SPAG16: variants seen among roughly 807,000 people sequenced by gnomAD.
SPAG16 encodes sperm associated antigen 16, also known as sperm-associated antigen 16 protein.
SPAG16 carries 86 observed loss-of-function variants against 80.4 expected under a neutral mutation model. That is an observed-to-expected ratio of 1.07 (90% CI 0.90 to 1.28). SPAG16 has a LOEUF of 1.28. SPAG16 is among the 50% of genes most tolerant of loss of function. SPAG16 has a pLI of 0.00. For synonymous variants in SPAG16, 294 were observed against 265.9 expected (o/e 1.11, Z -1.03); for missense variants, 870 against 765.3 (o/e 1.14, Z -1.61).
At chr2:213,735,289 T>C (rs1179026998) in intron 10 of SPAG16, among the ~76,000 whole-genome samples, 7 of 152,186 alleles carry the variant, frequency 4.6e-5, no homozygotes, top group Non-Finnish European at 1.0e-4. Flanking sequence ...GAATTATTTA[T>C]TAAACTCAAA....
chr2:213,758,047 T>C (rs532923398), intron 10 of SPAG16: 1 of 151,774 alleles, frequency 6.6e-6, no homozygotes, highest in East Asian at 2.0e-4. Flanking sequence ...ATGGTGACAA[T>C]CAGAAAATGA....
At chr2:214,350,511 C>T (rs910158211) in intron 15 of SPAG16, among the ~76,000 whole-genome samples, 1 of 152,142 alleles carries the variant, frequency 6.6e-6, no homozygotes, top group Non-Finnish European at 1.5e-5. Flanking sequence ...ATGTAAGAGA[C>T]ACAGGATTAT....
At chr2:213,609,560 T>C (rs1230904925) in intron 10 of SPAG16, among the ~76,000 whole-genome samples, 1 of 152,218 alleles carries the variant, frequency 6.6e-6, no homozygotes, top group African/African-American at 2.4e-5. Context: ...CAGCAATCTA[T>C]TGAGTTCCAT....
intron 13 of SPAG16, among the ~76,000 whole-genome samples, chr2:214,055,108 A>T (rs1032470338): frequency 6.6e-6 from 1 of 152,206 alleles, no homozygotes; most frequent in African/African-American, 2.4e-5. Flanking sequence ...GCATAAAATA[A>T]GATATGTAAA....
intron 7 of SPAG16, 32 bp from the exon 8 acceptor site, chr2:213,364,044 A>G: frequency 2.6e-6 from 3 of 1,161,846 alleles, no homozygotes. Context: ...CATTTAGTGT[A>G]TAATTTCATT....
At chr2:213,704,960 A>G (rs1464398412) in intron 10 of SPAG16, among the ~76,000 whole-genome samples, 3 of 152,194 alleles carry the variant, frequency 2.0e-5, no homozygotes, top group African/African-American at 7.2e-5. Flanking sequence ...TTAGAAAAAA[A>G]AAATTAAATA....
rs569383571 is a variant in SPAG16, at chr2:214,311,173, C to T, written c.1721-98967C>T. Among the ~76,000 whole-genome samples the T allele has an allele frequency of 6.6e-5, 10 of 152,228 alleles. No homozygotes were observed. In the South Asian group the frequency reaches 2.1e-3, roughly 32 times the overall value. On this transcript the variant is annotated intron_variant, in intron 15 of 15. Transcript: ENST00000331683. ...CCTGCATTTCCTCTGTTCCGAGGAG[C>T]GCTTTGGCAGTCTGCATTCCCCCTC...
At chr2:213,638,136 CCTTT>C (rs1241766165) in intron 10 of SPAG16, among the ~76,000 whole-genome samples, 1 of 152,114 alleles carries the variant, frequency 6.6e-6, no homozygotes, top group Non-Finnish European at 1.5e-5. Context: ...CGTCTATCTT[CCTTT>C]CTTTATTAAT....
intron 10 of SPAG16, among the ~76,000 whole-genome samples, chr2:213,561,539 G>A (rs1314689776): frequency 2.0e-5 from 3 of 151,950 alleles, no homozygotes; most frequent in Non-Finnish European, 4.4e-5. Flanking sequence ...CCCCATAAAT[G>A]TATACACCTA....
In SPAG16 at chr2:214,097,272, C is replaced by A. The variant is rs1005665526; in HGVS notation, c.1528-10924C>A. Among the ~76,000 whole-genome samples, 13 of 152,130 alleles carry A rather than the reference C, an allele frequency of 8.5e-5. No homozygotes were observed. The South Asian group carries it at 1.2e-3, about 15-fold the overall frequency. ...CTTTAATAGTACTTTTGACTGGTCA[C>A]AGAATTTGAAATTAAATAGGGGGCA... On this transcript the variant is annotated intron_variant, in intron 13 of 15. Coordinates refer to ENST00000331683, the MANE Select transcript of SPAG16 (RefSeq NM_024532.5).
At position 213,693,451 on chromosome 2, in the gene SPAG16, C is replaced by T. The variant is rs1336000968; in HGVS notation, c.1071-169034C>T. ...TTGCTTCGTAGACAGAACTACTTCA[C>T]ATTTATTTACCTTCCATTATACAAT... On this transcript the variant is annotated intron_variant, in intron 10 of 15. Transcript: ENST00000331683. Among the ~76,000 whole-genome samples the T allele has an allele frequency of 4.6e-5, 7 of 152,332 alleles. No individual in the cohort carries two copies. The East Asian group carries it at 1.2e-3, about 25-fold the overall frequency.
intron 3 of SPAG16, among the ~76,000 whole-genome samples, chr2:213,308,757 T>A (rs2063056771): frequency 6.6e-6 from 1 of 152,148 alleles, no homozygotes; most frequent in Non-Finnish European, 1.5e-5. Flanking sequence ...CTGGTGGTAT[T>A]CCGTGTTTTG....
intron 13 of SPAG16, among the ~76,000 whole-genome samples, chr2:214,022,561 T>C (rs916732079): frequency 1.3e-5 from 2 of 152,148 alleles, no homozygotes; most frequent in African/African-American, 4.8e-5. Context: ...ACAGCAGTTG[T>C]CATGCCATAT....
intron 10 of SPAG16, among the ~76,000 whole-genome samples, chr2:213,552,487 G>T (rs1053743646): frequency 6.6e-6 from 1 of 152,064 alleles, no homozygotes; most frequent in African/African-American, 2.4e-5. Flanking sequence ...AGTTTTATAT[G>T]ATTCTTCATT....
chr2:214,260,212 G>C (rs1180699086), intron 15 of SPAG16, among the ~76,000 whole-genome samples: 1 of 151,872 alleles, frequency 6.6e-6, no homozygotes, highest in East Asian at 1.9e-4. Flanking sequence ...ACTATACATT[G>C]GGTACAGTAT....
chr2:213,395,139 A>G (rs2067967513), intron 9 of SPAG16, among the ~76,000 whole-genome samples: 1 of 152,080 alleles, frequency 6.6e-6, no homozygotes, highest in South Asian at 2.1e-4. Flanking sequence ...CTTGCTATAT[A>G]GCAATTTATC....
intron 11 of SPAG16, among the ~76,000 whole-genome samples, chr2:213,880,744 A>G (rs773252130): frequency 6.6e-6 from 1 of 152,154 alleles, no homozygotes; most frequent in Non-Finnish European, 1.5e-5. Context: ...TCCTTTCCCC[A>G]TCGCATATTT....
At chr2:214,311,093 G>A (rs2125978578) in intron 15 of SPAG16, among the ~76,000 whole-genome samples, 1 of 152,242 alleles carries the variant, frequency 6.6e-6, no homozygotes, top group South Asian at 2.1e-4. Flanking sequence ...CTGGCCACTA[G>A]GGTCACCTAT....
At chr2:213,630,058 C>T (rs2062089944) in intron 10 of SPAG16, among the ~76,000 whole-genome samples, 1 of 152,164 alleles carries the variant, frequency 6.6e-6, no homozygotes, top group South Asian at 2.1e-4. Flanking sequence ...TAACCATTGC[C>T]CTGCATTAAA....
Sources: allele counts gnomAD v4.1 joint callset (sites outside exome capture counted in the v4.1 genomes callset), GRCh38; gene constraint gnomAD v4.1.1; transcripts MANE v1.5; gene names NCBI Gene and HGNC (gene_info 2026-07-23, HGNC 2026-07-21).